FAM216A: variants seen among roughly 807,000 people sequenced by gnomAD.
FAM216A encodes protein FAM216A.
In FAM216A, 26 loss-of-function variants were observed where a neutral mutation model predicts 37.6. That is an observed-to-expected ratio of 0.69 (90% CI 0.51 to 0.96). FAM216A has a LOEUF of 0.96. Ranked by LOEUF, FAM216A falls within the 40% of genes least tolerant of loss-of-function variation. The pLI, the probability that FAM216A is intolerant of heterozygous loss-of-function variation, is 0.00. For synonymous variants in FAM216A, 110 were observed against 121.7 expected, an observed-to-expected ratio of 0.90 and a Z score of 0.64; for missense variants, 326 against 339.3, an observed-to-expected ratio of 0.96 and a Z score of 0.31.
rs978380759 is a variant in FAM216A, at chr12:110,471,880, A to T, written c.144-1198A>T. Among the ~76,000 whole-genome samples, 30 of 152,340 alleles carry T rather than the reference A, an allele frequency of 2.0e-4. 1 individual carries two copies. Among genetic ancestry groups the T allele is most frequent in the Admixed American group, 1.8e-3 (27 of 15,286 alleles). ...TAGAAAAGAAAAAGAATTTGTACGA[A>T]ATTAGAAACATTACAGACCAACTTA... On this transcript the variant is annotated intron_variant, in intron 1 of 6. Transcript: ENST00000377673.
intron 3 of FAM216A, 51 bp downstream of exon 3, chr12:110,485,250 C>A (rs370898712): frequency 1.9e-6 from 3 of 1,543,714 alleles, no homozygotes; most frequent in Non-Finnish European, 1.7e-6. Context: ...TATTCAGAGC[C>A]GAACTTTTTA....
intron 2 of FAM216A, among the ~76,000 whole-genome samples, chr12:110,479,276 G>A (rs1354102309): frequency 6.6e-6 from 1 of 151,982 alleles, no homozygotes; most frequent in Non-Finnish European, 1.5e-5. Flanking sequence ...GACTTTCTCC[G>A]AGGACAGTGC....
At position 110,486,706 on chromosome 12, in the gene FAM216A, A is replaced by T. The variant is rs1309007390; in HGVS notation, c.609A>T (p.Arg203Ser). The stretch of plus-strand genomic sequence containing the variant: ...AGCATTCCCTTTGGCGGCCAGTGAG[A>T]AACAAAGAAGGGTCTGTTTCTTAGT... ...LIQHSLWRPVRNKEGIKTGYA... is the reference protein window; with the variant it reads ...LIQHSLWRPVSNKEGIKTGYA... The change falls in exon 5 of 7, where the codon AGA becomes AGT. Residue 203 changes from arginine (R) to serine (S), a missense_variant. By Grantham distance (110) the Arg-to-Ser change is moderately radical. Transcript: ENST00000377673. The T allele has an allele frequency of 1.2e-6, 2 of 1,613,180 alleles. No individual in the cohort carries two copies. Among genetic ancestry groups the T allele is most frequent in the Non-Finnish European group, 1.7e-6 (2 of 1,179,716 alleles).
intron 2 of FAM216A, among the ~76,000 whole-genome samples, chr12:110,483,204 G>C (rs976177137): frequency 9.2e-5 from 14 of 151,648 alleles, no homozygotes; most frequent in Non-Finnish European, 1.6e-4. Flanking sequence ...GGCACCTGTA[G>C]TCCCAGCTAC....
chr12:110,468,483 C>G (rs770860971), upstream of FAM216A: 3 of 1,537,174 alleles, frequency 2.0e-6, no homozygotes, highest in Non-Finnish European at 2.6e-6. Flanking sequence ...TGAGTAATAA[C>G]GGACAACAGA....
At chr12:110,482,561 T>C (rs1484924350) in intron 2 of FAM216A, among the ~76,000 whole-genome samples, 3 of 150,862 alleles carry the variant, frequency 2.0e-5, no homozygotes, top group East Asian at 4.0e-4. Context: ...TTTGGGAGGC[T>C]GAGGCGGTCA....
chr12:110,468,801 G>C (rs570562030), upstream of FAM216A: 4 of 1,456,524 alleles, frequency 2.7e-6, no homozygotes, highest in Non-Finnish European at 2.7e-6. Context: ...CGGCTTCGGA[G>C]GGGCGAGAAG....
At chr12:110,471,948 T>C (rs1461912093) in intron 1 of FAM216A, among the ~76,000 whole-genome samples, 1 of 152,182 alleles carries the variant, frequency 6.6e-6, no homozygotes, top group Non-Finnish European at 1.5e-5. Context: ...GAACAGTCTT[T>C]CGGCATGGCG....
At chr12:110,486,950 A>G in intron 5 of FAM216A, 1 of 467,686 alleles carries the variant, frequency 2.1e-6, no homozygotes, top group South Asian at 2.9e-5. Context: ...TACAGAAAGC[A>G]TCTCACTATG....
At chr12:110,479,052 C>T (rs2062731253) in intron 2 of FAM216A, among the ~76,000 whole-genome samples, 1 of 151,464 alleles carries the variant, frequency 6.6e-6, no homozygotes, top group South Asian at 2.1e-4. Context: ...AGCCGGGCGT[C>T]GTGGCTGGCG....
intron 2 of FAM216A, among the ~76,000 whole-genome samples, chr12:110,478,214 G>A (rs1219249876): frequency 1.3e-5 from 2 of 152,090 alleles, no homozygotes; most frequent in Non-Finnish European, 2.9e-5. Flanking sequence ...TTTGGCCAGT[G>A]GGAGCCCTTT....
In FAM216A at chr12:110,468,925, A is replaced by C. The variant is rs1307732679; in HGVS notation, c.50A>C (p.Glu17Ala). 3 of 1,522,910 alleles carry C rather than the reference A, an allele frequency of 2.0e-6. No individual in the cohort carries two copies. Among genetic ancestry groups the C allele is most frequent in the Non-Finnish European group, 2.6e-6 (3 of 1,137,954 alleles). 94.3% of individuals were successfully genotyped at this position (1,522,910 alleles called of 1,614,324 possible). A position where few individuals can be genotyped will look rare whatever the true frequency, so the allele number is the denominator to read the frequency against. Reference sequence around the variant, plus strand: ...ACGGCTCGCGGTCTCGGCGCCGCGGAGATGCCCGGCCAGGGTCCGGGGTCC... The same window carrying C: ...ACGGCTCGCGGTCTCGGCGCCGCGGCGATGCCCGGCCAGGGTCCGGGGTCC... The part of the protein sequence containing the change: ...PHTARGLGAA[E>A]MPGQGPGSDW... Residue 17 changes from glutamate to alanine, a missense_variant, in exon 1 of 7, where the codon GAG becomes GCG. Transcript: ENST00000377673.
intron 2 of FAM216A, among the ~76,000 whole-genome samples, chr12:110,476,294 G>T (rs2135545164): frequency 6.7e-6 from 1 of 150,336 alleles, no homozygotes. Flanking sequence ...CTGCCTCCCA[G>T]GTTCACGCCA....
intron 2 of FAM216A, among the ~76,000 whole-genome samples, chr12:110,483,231 G>A (rs1310684963): frequency 1.3e-5 from 2 of 151,704 alleles, no homozygotes; most frequent in African/African-American, 2.4e-5. Flanking sequence ...GGCTGAGGCA[G>A]GAGAATGGCG....
At chr12:110,484,993 C>A in intron 2 of FAM216A, 85 bp from the exon 3 acceptor site, 1 of 1,422,322 alleles carries the variant, frequency 7.0e-7, no homozygotes, top group Non-Finnish European at 9.5e-7. Flanking sequence ...AGCCACCACA[C>A]CCGGCCTAAA....
In FAM216A at chr12:110,468,981, C is replaced by T. The variant is rs202079205; in HGVS notation, c.106C>T (p.Pro36Ser). 5.9e-4 allele frequency: 888 copies of T among 1,509,392 alleles called. 3 individuals are homozygous for T. In the African/African-American group the frequency reaches 9.4e-3, roughly 16 times the overall value. 93.5% of individuals were successfully genotyped at this position (1,509,392 alleles called of 1,614,324 possible). A position where few individuals can be genotyped will look rare whatever the true frequency, so the allele number is the denominator to read the frequency against. The change falls in exon 1 of 7, where the codon CCG becomes TCG. Residue 36 changes from proline (P) to serine (S), a missense_variant. Coordinates refer to ENST00000377673, the MANE Select transcript of FAM216A (RefSeq NM_013300.3). ...DWTERSSSAE[P>S]PAVAGTEGGG... Reference sequence around the variant, plus strand: ...GACGGAGCGTAGCTCTTCTGCAGAGCCGCCCGCTGTGGCCGGGACCGAGGG... The same window carrying T: ...GACGGAGCGTAGCTCTTCTGCAGAGTCGCCCGCTGTGGCCGGGACCGAGGG...
intron 1 of FAM216A, 92 bp from the exon 2 acceptor site, chr12:110,472,975 CAAAAAAAAAAA>C (rs879057348): frequency 2.8e-4 from 24 of 87,242 alleles, no homozygotes; most frequent in East Asian, 1.4e-3. Flanking sequence ...GACCCTGTCT[CAAAAAAAAAAA>C]AAAAAAAAAA....
At chr12:110,471,544 T>G (rs1305030667) in intron 1 of FAM216A, among the ~76,000 whole-genome samples, 2 of 152,126 alleles carry the variant, frequency 1.3e-5, no homozygotes, top group Non-Finnish European at 2.9e-5. Context: ...CCTTCAAAAC[T>G]CCCTCATACC....
rs2135559796 is a variant in FAM216A, at chr12:110,490,092, A to G, written c.777A>G (p.Gln259=). ...KEEDLLNNFM[Q]SMSIEEQGEH... ...AAGATTTACTAAATAATTTTATGCAATCAATGTCAATTGAAGAACAGGGAG... is the reference window on the plus strand; with the variant it reads ...AAGATTTACTAAATAATTTTATGCAGTCAATGTCAATTGAAGAACAGGGAG... Residue 259 remains glutamine (Q), a synonymous_variant, in exon 7 of 7, where the codon CAA becomes CAG. Coordinates refer to ENST00000377673, the MANE Select transcript of FAM216A (RefSeq NM_013300.3). 6.3e-7 allele frequency: 1 copy of G among 1,575,202 alleles called. No individual in the cohort carries two copies. The highest frequency in any genetic ancestry group is 2.2e-5 in the East Asian group (1 of 44,686).
Sources: allele counts gnomAD v4.1 joint callset (sites outside exome capture counted in the v4.1 genomes callset), GRCh38; gene constraint gnomAD v4.1.1; transcripts MANE v1.5; gene names NCBI Gene and HGNC (gene_info 2026-07-23, HGNC 2026-07-21).